FLVCR2: variants seen among roughly 807,000 people sequenced by gnomAD.
FLVCR2 encodes the protein choline/ethanolamine transporter FLVCR2.
FLVCR2 carries 38 observed loss-of-function variants against 48.9 expected under a neutral mutation model. That is an observed-to-expected ratio of 0.78 (90% CI 0.60 to 1.02). The LOEUF (loss-of-function observed/expected upper bound fraction) is 1.02. FLVCR2 is among the 50% of genes least tolerant of loss of function. The pLI is 0.00. For synonymous variants in FLVCR2, 255 were observed against 257.0 expected (o/e 0.99, Z 0.07); for missense variants, 664 against 663.3 (o/e 1.00, Z -0.01).
chr14:75,603,189 C>T (rs1889206737), intron 1 of FLVCR2, among the ~76,000 whole-genome samples: 1 of 152,292 alleles, frequency 6.6e-6, no homozygotes, highest in Middle Eastern at 3.4e-3. Context: ...GAGGGCCCCA[C>T]CCTCAAGCCT....
At chr14:75,618,408 G>C (rs1375678560) in intron 1 of FLVCR2, among the ~76,000 whole-genome samples, 1 of 152,206 alleles carries the variant, frequency 6.6e-6, no homozygotes, top group Non-Finnish European at 1.5e-5. Context: ...AAAATGAAGA[G>C]AGCCTAATTT....
At position 75,579,094 on chromosome 14, in the gene FLVCR2, T is replaced by A; in HGVS notation, c.122T>A (p.Ile41Asn). ...GTCTCGGTCCATCCCAGCGTCTCCA[T>A]CAACCCCAGCGTCTCTGTCCACCCC... Reference protein sequence around the residue: ...PSVSVHPSVSINPSVSVHPSS... With the variant: ...PSVSVHPSVSNNPSVSVHPSS... Residue 41 changes from isoleucine to asparagine, a missense_variant, in exon 1 of 10, where the codon ATC becomes AAC. Coordinates refer to ENST00000238667, the MANE Select transcript of FLVCR2 (RefSeq NM_017791.3). 2 of 1,613,896 alleles carry A rather than the reference T, an allele frequency of 1.2e-6. No individual in the cohort carries two copies. Among genetic ancestry groups the A allele is most frequent in the Non-Finnish European group, 1.7e-6 (2 of 1,179,920 alleles).
intron 3 of FLVCR2, among the ~76,000 whole-genome samples, chr14:75,627,573 C>T (rs778954534): frequency 3.0e-4 from 45 of 152,180 alleles, no homozygotes; most frequent in Admixed American, 1.1e-3. Context: ...GGAGCAAAGT[C>T]GATTTGGAGC....
intron 3 of FLVCR2, among the ~76,000 whole-genome samples, chr14:75,627,134 C>T (rs527248930): frequency 6.6e-6 from 1 of 152,094 alleles, no homozygotes; most frequent in African/African-American, 2.4e-5. Context: ...GCTACTCCTC[C>T]TCCTTCCTCT....
intron 1 of FLVCR2, among the ~76,000 whole-genome samples, chr14:75,599,619 A>G (rs1253090655): frequency 6.6e-6 from 1 of 152,194 alleles, no homozygotes; most frequent in Non-Finnish European, 1.5e-5. Flanking sequence ...TAAAATTCAT[A>G]TGGGATTTCA....
At chr14:75,646,010 C>A (rs1308678270) in intron 9 of FLVCR2, among the ~76,000 whole-genome samples, 1 of 151,646 alleles carries the variant, frequency 6.6e-6, no homozygotes, top group Non-Finnish European at 1.5e-5. Context: ...AGACCTGGCA[C>A]CTTGGACAGT....
chr14:75,636,234 C>T (rs756050781), intron 5 of FLVCR2, among the ~76,000 whole-genome samples: 137 of 152,342 alleles, frequency 9.0e-4, no homozygotes, highest in African/African-American at 2.9e-3. Context: ...CACACAAACC[C>T]GCTTCTGTGA....
At position 75,621,015 on chromosome 14, in the gene FLVCR2, C is replaced by T. The variant is rs117768552; in HGVS notation, c.670-1064C>T. 1.3e-4 allele frequency among the ~76,000 whole-genome samples: 20 copies of T among 152,314 alleles called. No homozygotes were observed. In the East Asian group the frequency reaches 2.3e-3, roughly 18 times the overall value. ...TCACAAGCTATTTTCCCATTTCCGC[C>T]TCAATATTATGTGCAGCAGAAGGGC... On this transcript the variant is annotated intron_variant, in intron 1 of 9. Transcript: ENST00000238667.
intron 1 of FLVCR2, among the ~76,000 whole-genome samples, chr14:75,597,594 G>C (rs982467577): frequency 3.3e-5 from 5 of 151,508 alleles, no homozygotes; most frequent in African/African-American, 1.2e-4. Flanking sequence ...TTTTGAGATA[G>C]AGTCTCACTT....
chr14:75,583,298 C>A (rs535893313), intron 1 of FLVCR2, among the ~76,000 whole-genome samples: 1 of 152,146 alleles, frequency 6.6e-6, no homozygotes, highest in South Asian at 2.1e-4. Context: ...AAGGCTTGTC[C>A]GGTTTTTGGA....
At chr14:75,628,154 G>A (rs144211681) in intron 3 of FLVCR2, among the ~76,000 whole-genome samples, 1,964 of 151,924 alleles carry the variant, frequency 0.013, 43 homozygotes, top group African/African-American at 0.045. Flanking sequence ...TTACTCTGTC[G>A]CCCAAGCTGG....
intron 1 of FLVCR2, among the ~76,000 whole-genome samples, chr14:75,594,827 C>T (rs565242123): frequency 6.6e-6 from 1 of 152,136 alleles, no homozygotes; most frequent in Non-Finnish European, 1.5e-5. Flanking sequence ...TCGAGTGATC[C>T]CCTGCCTCAG....
chr14:75,603,670 C>T (rs1173862539), intron 1 of FLVCR2, among the ~76,000 whole-genome samples: 2 of 152,158 alleles, frequency 1.3e-5, no homozygotes, highest in African/African-American at 2.4e-5. Flanking sequence ...GCTAAAGGAG[C>T]GCAGTGTAAC....
chr14:75,604,628 C>T (rs888146391), intron 1 of FLVCR2, among the ~76,000 whole-genome samples: 10 of 152,112 alleles, frequency 6.6e-5, no homozygotes, highest in Non-Finnish European at 1.0e-4. Flanking sequence ...AGGTAATCGC[C>T]TCTGTCTTCT....
At chr14:75,620,914 C>T (rs1889746083) in intron 1 of FLVCR2, among the ~76,000 whole-genome samples, 1 of 152,298 alleles carries the variant, frequency 6.6e-6, no homozygotes, top group Admixed American at 6.5e-5. Context: ...TCAAGTACAA[C>T]AAAGGAAAAA....
chr14:75,607,740 T>C (rs1033887605), intron 1 of FLVCR2, among the ~76,000 whole-genome samples: 1 of 151,958 alleles, frequency 6.6e-6, no homozygotes, highest in Admixed American at 6.6e-5. Context: ...GGTGAAATAT[T>C]TTGCCAGTGT....
intron 1 of FLVCR2, among the ~76,000 whole-genome samples, chr14:75,581,308 G>T (rs1248738485): frequency 6.6e-6 from 1 of 152,192 alleles, no homozygotes; most frequent in Non-Finnish European, 1.5e-5. Context: ...GTCCAAAGGG[G>T]TCCAAGGGGA....
intron 3 of FLVCR2, among the ~76,000 whole-genome samples, chr14:75,630,677 G>T (rs1413059546): frequency 2.0e-5 from 3 of 152,100 alleles, no homozygotes; most frequent in Admixed American, 6.5e-5. Context: ...TAAACATAGC[G>T]AGACCCCAAA....
intron 1 of FLVCR2, among the ~76,000 whole-genome samples, chr14:75,606,227 A>G (rs1034222753): frequency 2.0e-5 from 3 of 152,048 alleles, no homozygotes; most frequent in African/African-American, 7.2e-5. Flanking sequence ...GGGTTTTGCC[A>G]CGTTGCCAGG....
Sources: gnomAD v4.1 joint callset for allele counts (sites outside exome capture counted in the v4.1 genomes callset) on GRCh38, gnomAD v4.1.1 for gene constraint, MANE v1.5 for transcripts, NCBI Gene and HGNC (gene_info 2026-07-23, HGNC 2026-07-21) for gene names.